The following SGCZ variants were observed in gnomAD, a reference collection of about 807,000 sequenced individuals.
SGCZ encodes sarcoglycan zeta, also known as zeta-sarcoglycan.
Under a neutral mutation model 41.3 loss-of-function variants are expected in SGCZ, and 40 were observed. That is an observed-to-expected ratio of 0.97 (90% CI 0.75 to 1.26). SGCZ has a LOEUF of 1.26. SGCZ is among the 50% of genes most tolerant of loss of function. The pLI, the probability that SGCZ is intolerant of heterozygous loss-of-function variation, is 0.00. For missense variants in SGCZ, 552 were observed against 369.8 expected (o/e 1.49, Z -4.04); for synonymous variants, 206 against 137.5 (o/e 1.50, Z -3.49).
intron 1 of SGCZ, among the ~76,000 whole-genome samples, chr8:14,705,091 T>G (rs1159809085): frequency 1.3e-5 from 2 of 151,964 alleles, no homozygotes; most frequent in Non-Finnish European, 2.9e-5. Context: ...AGTTGAAAAC[T>G]GTCCAAATGA....
At chr8:14,106,023 T>A (rs912435216) in intron 6 of SGCZ, among the ~76,000 whole-genome samples, 1 of 152,074 alleles carries the variant, frequency 6.6e-6, no homozygotes, top group Admixed American at 6.5e-5. Flanking sequence ...ATGAAAAAAA[T>A]TGGAATCAAT....
At chr8:14,743,487 A>G (rs1799255388) in intron 1 of SGCZ, among the ~76,000 whole-genome samples, 1 of 152,038 alleles carries the variant, frequency 6.6e-6, no homozygotes, top group South Asian at 2.1e-4. Context: ...TTTCCTTTTT[A>G]CATTATTTTA....
intron 3 of SGCZ, among the ~76,000 whole-genome samples, chr8:14,300,382 G>C (rs1801147786): frequency 6.6e-6 from 1 of 151,284 alleles, no homozygotes; most frequent in Admixed American, 6.6e-5. Flanking sequence ...GAGGGAGGAA[G>C]GGAATGAGGA....
At chr8:14,188,344 C>G (rs1804973261) in intron 4 of SGCZ, among the ~76,000 whole-genome samples, 1 of 152,108 alleles carries the variant, frequency 6.6e-6, no homozygotes, top group South Asian at 2.1e-4. Flanking sequence ...TGGATCCGTA[C>G]AGTAAAGTTT....
chr8:14,635,828 G>C (rs563135981), intron 1 of SGCZ, among the ~76,000 whole-genome samples: 1 of 151,806 alleles, frequency 6.6e-6, no homozygotes, highest in Non-Finnish European at 1.5e-5. Context: ...TGATGCTGGA[G>C]ATAGAATGAG....
At chr8:14,211,973 G>C (rs915195772) in intron 4 of SGCZ, among the ~76,000 whole-genome samples, 1 of 152,156 alleles carries the variant, frequency 6.6e-6, no homozygotes, top group Non-Finnish European at 1.5e-5. Context: ...TCCTGAGGTG[G>C]AAGAATGGGA....
chr8:14,698,216 ATAAAATT>A (rs1382159179), intron 1 of SGCZ, among the ~76,000 whole-genome samples: 2 of 151,968 alleles, frequency 1.3e-5, no homozygotes, highest in African/African-American at 4.8e-5. Context: ...TAATAACCTA[ATAAAATT>A]TGCTTTTATG....
chr8:14,169,202 G>A (rs1225275433), intron 4 of SGCZ, among the ~76,000 whole-genome samples: 1 of 152,042 alleles, frequency 6.6e-6, no homozygotes, highest in Non-Finnish European at 1.5e-5. Flanking sequence ...GAACTTTTTT[G>A]CTAATGATGT....
intron 1 of SGCZ, among the ~76,000 whole-genome samples, chr8:15,171,319 C>T (rs1799822270): frequency 1.3e-5 from 2 of 152,108 alleles, no homozygotes; most frequent in African/African-American, 4.8e-5. Context: ...GTTACTCAAC[C>T]CTAGAAAAAA....
At chr8:14,676,549 G>A (rs1186938666) in intron 1 of SGCZ, among the ~76,000 whole-genome samples, 1 of 152,108 alleles carries the variant, frequency 6.6e-6, no homozygotes. Flanking sequence ...TAATCACAAT[G>A]ATTTAACTGC....
At chr8:14,552,493 A>C (rs531748549) in intron 2 of SGCZ, among the ~76,000 whole-genome samples, 1 of 152,190 alleles carries the variant, frequency 6.6e-6, no homozygotes, top group South Asian at 2.1e-4. Context: ...GTCAAAACAT[A>C]ATTTTTTAAA....
At chr8:14,104,308 G>A (rs1802134095) in intron 6 of SGCZ, among the ~76,000 whole-genome samples, 1 of 152,024 alleles carries the variant, frequency 6.6e-6, no homozygotes, top group Non-Finnish European at 1.5e-5. Flanking sequence ...CTGGGATTAT[G>A]GCAGAGAGAA....
intron 1 of SGCZ, among the ~76,000 whole-genome samples, chr8:14,808,470 A>T (rs1585279253): frequency 6.6e-6 from 1 of 152,224 alleles, no homozygotes; most frequent in East Asian, 1.9e-4. Context: ...CAGCCAAAAA[A>T]CACATGAAAA....
At chr8:14,849,302 C>T (rs1222263598) in intron 1 of SGCZ, among the ~76,000 whole-genome samples, 5 of 151,808 alleles carry the variant, frequency 3.3e-5, no homozygotes, top group Admixed American at 6.6e-5. Context: ...ATACAGCAAC[C>T]ATATGATCCA....
At chr8:14,307,000 G>A (rs1036058887) in intron 3 of SGCZ, among the ~76,000 whole-genome samples, 1 of 152,116 alleles carries the variant, frequency 6.6e-6, no homozygotes, top group Non-Finnish European at 1.5e-5. Context: ...TTATACCTAA[G>A]TTAAATTGAA....
intron 1 of SGCZ, among the ~76,000 whole-genome samples, chr8:14,593,669 A>C (rs970306420): frequency 6.6e-6 from 1 of 152,192 alleles, no homozygotes; most frequent in African/African-American, 2.4e-5. Context: ...ATGTAAATGA[A>C]AAATAATTAT....
intron 1 of SGCZ, among the ~76,000 whole-genome samples, chr8:14,716,588 A>G (rs932079051): frequency 6.6e-6 from 1 of 152,030 alleles, no homozygotes; most frequent in African/African-American, 2.4e-5. Flanking sequence ...GTTTTCTTAC[A>G]CTCTAAATCC....
At chr8:14,492,986 A>AC (rs920546846) in intron 2 of SGCZ, among the ~76,000 whole-genome samples, 6 of 151,850 alleles carry the variant, frequency 4.0e-5, no homozygotes, top group African/African-American at 1.5e-4. Flanking sequence ...ATGGGATCTA[A>AC]CCCCCCAACT....
intron 1 of SGCZ, among the ~76,000 whole-genome samples, chr8:15,086,319 A>G (rs1376140502): frequency 1.3e-5 from 2 of 152,224 alleles, no homozygotes; most frequent in Non-Finnish European, 2.9e-5. Context: ...CTAAAGACAC[A>G]TAAGCTTGGG....
Sources: gnomAD v4.1 joint callset for allele counts (sites outside exome capture counted in the v4.1 genomes callset) on GRCh38, gnomAD v4.1.1 for gene constraint, MANE v1.5 for transcripts, NCBI Gene and HGNC (gene_info 2026-07-23, HGNC 2026-07-21) for gene names.